The following DACH1 variants were observed in gnomAD, a reference collection of about 807,000 sequenced individuals.
DACH1 encodes dachshund family transcription factor 1.
Under a neutral mutation model 54.2 loss-of-function variants are expected in DACH1, and 12 were observed. The observed-to-expected ratio is 0.22, with a 90% CI of 0.14 to 0.36. The LOEUF (loss-of-function observed/expected upper bound fraction) is 0.36, where lower values mean the gene tolerates loss of function less well. DACH1 is among the 10% of genes least tolerant of loss of function. DACH1 has a pLI of 1.00. For synonymous variants in DACH1, 386 were observed against 366.2 expected, an observed-to-expected ratio of 1.05 and a Z score of -0.62; for missense variants, 805 against 929.8, an observed-to-expected ratio of 0.87 and a Z score of 1.75.
chr13:71,512,610 T>C (rs1880862817), intron 6 of DACH1, among the ~76,000 whole-genome samples: 1 of 151,934 alleles, frequency 6.6e-6, no homozygotes, highest in African/African-American at 2.4e-5. Flanking sequence ...TTTAATAAAC[T>C]TTTCTTGGAT....
intron 1 of DACH1, among the ~76,000 whole-genome samples, chr13:71,865,139 C>T (rs945131325): frequency 5.9e-5 from 9 of 152,098 alleles, no homozygotes; most frequent in East Asian, 1.9e-4. Context: ...GCATCTGCCC[C>T]GGGGCCACCG....
chr13:71,516,813 A>T (rs1048429998), intron 6 of DACH1, among the ~76,000 whole-genome samples: 1 of 151,816 alleles, frequency 6.6e-6, no homozygotes, highest in Non-Finnish European at 1.5e-5. Context: ...ATTGAGCAAA[A>T]ACATTAGAGA....
At chr13:71,477,407 C>A (rs1017325618) in intron 8 of DACH1, among the ~76,000 whole-genome samples, 2 of 151,816 alleles carry the variant, frequency 1.3e-5, no homozygotes, top group Admixed American at 6.6e-5. Flanking sequence ...AGGTGTGAGC[C>A]ACCGTGCCCG....
intron 6 of DACH1, among the ~76,000 whole-genome samples, chr13:71,554,918 C>G (rs941254467): frequency 6.6e-5 from 10 of 152,038 alleles, no homozygotes; most frequent in Admixed American, 6.6e-4. Flanking sequence ...TAGGTCAATT[C>G]AAAGGATAAC....
intron 7 of DACH1, among the ~76,000 whole-genome samples, chr13:71,482,991 C>T (rs992168551): frequency 6.6e-6 from 1 of 151,738 alleles, no homozygotes; most frequent in Non-Finnish European, 1.5e-5. Flanking sequence ...TTAGTAGAGA[C>T]GGGGTTTTGT....
chr13:71,454,440 TGAG>T (rs1004653488), intron 10 of DACH1, among the ~76,000 whole-genome samples: 40 of 152,284 alleles, frequency 2.6e-4, no homozygotes, highest in African/African-American at 9.6e-4. Flanking sequence ...TTGCTTCTAA[TGAG>T]GAGAATATGG....
intron 6 of DACH1, among the ~76,000 whole-genome samples, chr13:71,515,967 GC>G (rs1291958306): frequency 3.3e-5 from 5 of 151,796 alleles, no homozygotes; most frequent in Non-Finnish European, 7.4e-5. Flanking sequence ...CAACGATTCT[GC>G]CCTCCAACTT....
intron 6 of DACH1, among the ~76,000 whole-genome samples, chr13:71,549,946 T>G (rs1883703145): frequency 6.6e-6 from 1 of 152,170 alleles, no homozygotes; most frequent in African/African-American, 2.4e-5. Context: ...TAAAGATTAT[T>G]TTTAATACAA....
At chr13:71,591,437 TA>T (rs1056948608) in intron 3 of DACH1, among the ~76,000 whole-genome samples, 1 of 152,136 alleles carries the variant, frequency 6.6e-6, no homozygotes, top group African/African-American at 2.4e-5. Context: ...GAAAAACTGT[TA>T]AAAAATCTTA....
chr13:71,657,544 G>A (rs1333235744), intron 2 of DACH1, among the ~76,000 whole-genome samples: 4 of 146,346 alleles, frequency 2.7e-5, no homozygotes, highest in Admixed American at 1.4e-4. Context: ...TCTTACTCCA[G>A]CCTGGGTGAC....
At chr13:71,752,492 C>CTT (rs1884972554) in intron 1 of DACH1, among the ~76,000 whole-genome samples, 1 of 149,478 alleles carries the variant, frequency 6.7e-6, no homozygotes, top group Non-Finnish European at 1.5e-5. Context: ...CTTCCTTTCT[C>CTT]TCTCTCTCTC....
chr13:71,503,404 T>C (rs1401733594), intron 6 of DACH1, among the ~76,000 whole-genome samples: 3 of 152,168 alleles, frequency 2.0e-5, no homozygotes, highest in Non-Finnish European at 2.9e-5. Context: ...TTTATTCTCA[T>C]AGCAACATAG....
intron 1 of DACH1, among the ~76,000 whole-genome samples, chr13:71,768,646 T>G (rs1373293784): frequency 6.6e-6 from 1 of 151,924 alleles, no homozygotes; most frequent in East Asian, 1.9e-4. Context: ...AGACAGGTAA[T>G]TGTAGAACAA....
intron 1 of DACH1, among the ~76,000 whole-genome samples, chr13:71,749,481 C>T (rs931946263): frequency 2.6e-5 from 4 of 152,078 alleles, no homozygotes; most frequent in African/African-American, 9.7e-5. Context: ...TGGGCTGATA[C>T]ACCAAATGAA....
chr13:71,582,300 CACTT>C (rs1177636883), intron 3 of DACH1, among the ~76,000 whole-genome samples: 8 of 152,068 alleles, frequency 5.3e-5, no homozygotes, highest in Non-Finnish European at 1.0e-4. Flanking sequence ...CAAGTTTCTC[CACTT>C]ACTTCTAAGC....
At chr13:71,473,894 T>C (rs945290879) in intron 10 of DACH1, among the ~76,000 whole-genome samples, 2 of 152,190 alleles carry the variant, frequency 1.3e-5, no homozygotes, top group African/African-American at 4.8e-5. Context: ...ACTGGTTTTT[T>C]CATTAACAGT....
At chr13:71,548,649 G>A (rs1404489718) in intron 6 of DACH1, among the ~76,000 whole-genome samples, 1 of 152,118 alleles carries the variant, frequency 6.6e-6, no homozygotes, top group African/African-American at 2.4e-5. Flanking sequence ...ACTGTGTGGT[G>A]CTCACGCCTG....
intron 1 of DACH1, among the ~76,000 whole-genome samples, chr13:71,722,810 C>G (rs1294096470): frequency 7.9e-5 from 12 of 152,030 alleles, no homozygotes; most frequent in African/African-American, 2.4e-5. Context: ...TACATCATTG[C>G]TGTGGGGCTT....
At chr13:71,460,061 C>T (rs892299086) in intron 10 of DACH1, among the ~76,000 whole-genome samples, 8 of 151,946 alleles carry the variant, frequency 5.3e-5, no homozygotes, top group Non-Finnish European at 1.2e-4. Context: ...CTAATTTTCT[C>T]ACAAAGAAAA....
Sources: gnomAD v4.1 joint callset for allele counts (sites outside exome capture counted in the v4.1 genomes callset) on GRCh38, gnomAD v4.1.1 for gene constraint, MANE v1.5 for transcripts, NCBI Gene and HGNC (gene_info 2026-07-23, HGNC 2026-07-21) for gene names.